TENM2: variants seen among roughly 807,000 people sequenced by gnomAD.
TENM2 encodes teneurin transmembrane protein 2, also known as teneurin-2.
TENM2 carries 52 observed loss-of-function variants against 245.2 expected under a neutral mutation model. That is an observed-to-expected ratio of 0.21 (90% CI 0.17 to 0.27). The LOEUF (loss-of-function observed/expected upper bound fraction) is 0.27. Among genes scored for constraint, TENM2 ranks in the 10% least tolerant of loss-of-function variants. The pLI is 1.00. For synonymous variants in TENM2, 1,363 were observed against 1,438.9 expected, an observed-to-expected ratio of 0.95 and a Z score of 1.19; for missense variants, 3,046 against 3,666.8, an observed-to-expected ratio of 0.83 and a Z score of 4.37.
At position 167,400,876 on chromosome 5, in the gene TENM2, C is replaced by T. The variant is rs151050760; in HGVS notation, c.502+25403C>T. 2.6e-5 allele frequency among the ~76,000 whole-genome samples: 4 copies of T among 152,206 alleles called. No individual in the cohort carries two copies. The East Asian group carries it at 7.8e-4, about 30-fold the overall frequency. On this transcript the variant is annotated intron_variant, in intron 2 of 28. Coordinates refer to ENST00000518659, the Ensembl canonical transcript of TENM2. ...TGAGAAAATGCCTTTGGATTTGACA[C>T]TGGTAACATCTGATGGAATATTCTA...
intron 2 of TENM2, among the ~76,000 whole-genome samples, chr5:167,874,908 T>C (rs1243188850): frequency 6.6e-6 from 1 of 152,198 alleles, no homozygotes; most frequent in East Asian, 1.9e-4. Context: ...ACAGTTATGG[T>C]GTCCCAAAAA....
chr5:166,985,630 C>A, the TENM2 span, among the ~76,000 whole-genome samples: 1 of 151,952 alleles, frequency 6.6e-6, no homozygotes, highest in East Asian at 1.9e-4. Context: ...GGAAAAAAAT[C>A]AAATTTATTT....
chr5:167,772,335 G>A (rs919635305), intron 2 of TENM2, among the ~76,000 whole-genome samples: 1 of 152,158 alleles, frequency 6.6e-6, no homozygotes, highest in African/African-American at 2.4e-5. Flanking sequence ...GAAAGCTACA[G>A]GTCAGTTTTG....
At chr5:167,927,672 GTTTC>G (rs1777867471) in intron 3 of TENM2, among the ~76,000 whole-genome samples, 1 of 152,164 alleles carries the variant, frequency 6.6e-6, no homozygotes, top group African/African-American at 2.4e-5. Context: ...GGGTATTTTT[GTTTC>G]TTTATTTAAA....
At chr5:167,664,875 C>A (rs1755469789) in intron 2 of TENM2, among the ~76,000 whole-genome samples, 1 of 152,160 alleles carries the variant, frequency 6.6e-6, no homozygotes, top group Non-Finnish European at 1.5e-5. Flanking sequence ...TTCTCTAAAG[C>A]CTTCTTGAAC....
At chr5:167,904,520 G>A (rs1775941304) in intron 3 of TENM2, among the ~76,000 whole-genome samples, 1 of 152,092 alleles carries the variant, frequency 6.6e-6, no homozygotes, top group African/African-American at 2.4e-5. Context: ...AATAAGTACA[G>A]AGTCCCTACC....
chr5:168,113,168 A>T (rs944220559), intron 9 of TENM2, among the ~76,000 whole-genome samples: 5 of 151,688 alleles, frequency 3.3e-5, no homozygotes, highest in African/African-American at 9.7e-5. Flanking sequence ...TTTTTTTTTT[A>T]AATTAGCTGG....
the TENM2 span, among the ~76,000 whole-genome samples, chr5:167,182,602 A>C: frequency 6.6e-6 from 1 of 152,276 alleles, no homozygotes; most frequent in African/African-American, 2.4e-5. Flanking sequence ...AAAATCCATA[A>C]ATTCTGATTT....
At chr5:167,577,104 G>A (rs1456595359) in intron 2 of TENM2, among the ~76,000 whole-genome samples, 1 of 152,124 alleles carries the variant, frequency 6.6e-6, no homozygotes, top group Non-Finnish European at 1.5e-5. Flanking sequence ...TGACAAAGAC[G>A]TCCCAGAGGA....
At chr5:167,585,803 C>G (rs1775450287) in intron 2 of TENM2, among the ~76,000 whole-genome samples, 1 of 151,994 alleles carries the variant, frequency 6.6e-6, no homozygotes, top group African/African-American at 2.4e-5. Flanking sequence ...TTCAACCAAC[C>G]ATAGATTGAC....
At chr5:168,004,945 A>G (rs375681661) in intron 5 of TENM2, among the ~76,000 whole-genome samples, 1 of 152,242 alleles carries the variant, frequency 6.6e-6, no homozygotes, top group East Asian at 1.9e-4. Context: ...TCTTGTCCCC[A>G]TCCCCTCATC....
chr5:168,195,450 A>G (rs1478952437), intron 15 of TENM2, among the ~76,000 whole-genome samples, 155 bp downstream of exon 17: 3 of 151,864 alleles, frequency 2.0e-5, no homozygotes, highest in South Asian at 2.1e-4. Context: ...AAGACATTTC[A>G]TGCTTTTTGA....
intron 12 of TENM2, among the ~76,000 whole-genome samples, chr5:168,137,759 C>G (rs1755181632): frequency 2.0e-5 from 3 of 152,204 alleles, no homozygotes; most frequent in Admixed American, 2.0e-4. Flanking sequence ...GCAAAGCAGG[C>G]AAGTCAAGTT....
At chr5:167,341,874 C>T (rs78690189) in intron 1 of TENM2, among the ~76,000 whole-genome samples, 7 of 152,116 alleles carry the variant, frequency 4.6e-5, no homozygotes, top group African/African-American at 1.7e-4. Flanking sequence ...TTACATTTCA[C>T]CAAACAATTT....
At chr5:167,894,027 G>A (rs1774974569) in intron 3 of TENM2, among the ~76,000 whole-genome samples, 1 of 152,012 alleles carries the variant, frequency 6.6e-6, no homozygotes, top group Non-Finnish European at 1.5e-5. Context: ...GTAGTCCAAT[G>A]CGGCAGCATA....
At chr5:167,950,711 C>T (rs1323555989) in intron 3 of TENM2, among the ~76,000 whole-genome samples, 3 of 152,158 alleles carry the variant, frequency 2.0e-5, no homozygotes, top group Non-Finnish European at 4.4e-5. Flanking sequence ...TTTCACCCCC[C>T]TTTCCCACCT....
At chr5:168,150,513 A>G (rs1375694246) in intron 12 of TENM2, among the ~76,000 whole-genome samples, 4 of 152,184 alleles carry the variant, frequency 2.6e-5, no homozygotes, top group Admixed American at 2.0e-4. Flanking sequence ...TAGAAATCCC[A>G]TTTTGTTTCT....
intron 2 of TENM2, among the ~76,000 whole-genome samples, chr5:167,589,069 G>T (rs890655733): frequency 3.3e-5 from 5 of 152,064 alleles, no homozygotes; most frequent in African/African-American, 1.2e-4. Flanking sequence ...GGGTCTATTG[G>T]CACACACCTA....
chr5:168,016,746 C>T (rs1366262843), intron 5 of TENM2, among the ~76,000 whole-genome samples: 1 of 152,218 alleles, frequency 6.6e-6, no homozygotes, highest in Non-Finnish European at 1.5e-5. Context: ...TAGAATGGCG[C>T]TGGAATCCCC....
Sources: gnomAD v4.1 joint callset for allele counts (sites outside exome capture counted in the v4.1 genomes callset) on GRCh38, gnomAD v4.1.1 for gene constraint, MANE v1.5 for transcripts, NCBI Gene and HGNC (gene_info 2026-07-23, HGNC 2026-07-21) for gene names.